PRPF31: variants seen among roughly 807,000 people sequenced by gnomAD.
PRPF31 encodes the protein U4/U6 small nuclear ribonucleoprotein Prp31.
Under a neutral mutation model 60.4 loss-of-function variants are expected in PRPF31, and 12 were observed. That is an observed-to-expected ratio of 0.20 (90% CI 0.13 to 0.32). The LOEUF is 0.32. PRPF31 is among the 10% of genes least tolerant of loss of function. The pLI, the probability that PRPF31 is intolerant of heterozygous loss-of-function variation, is 1.00. For synonymous variants in PRPF31, 287 were observed against 287.9 expected, an observed-to-expected ratio of 1.00 and a Z score of 0.03; for missense variants, 431 against 687.1, an observed-to-expected ratio of 0.63 and a Z score of 4.17.
intron 6 of PRPF31, 65 bp from the exon 7 acceptor site, chr19:54,123,684 G>T (rs2073848790): frequency 6.3e-7 from 1 of 1,590,822 alleles, no homozygotes; most frequent in African/African-American, 1.3e-5. Flanking sequence ...AGAACCGAGA[G>T]GGCTGGGGCT....
At chr19:54,124,400 A>G in intron 7 of PRPF31, 99 bp from the exon 8 acceptor site, 1 of 1,108,290 alleles carries the variant, frequency 9.0e-7, no homozygotes, top group African/African-American at 1.5e-5. Flanking sequence ...CTTCATGTAA[A>G]GGTGCCCAGC....
intron 5 of PRPF31, chr19:54,123,071 G>GTC: frequency 2.2e-6 from 1 of 464,516 alleles, no homozygotes; most frequent in Non-Finnish European, 4.0e-6. Flanking sequence ...CGTGAGGGCG[G>GTC]GGAGAGGAGG....
chr19:54,130,712 A>T (rs78276164), intron 13 of PRPF31, among the ~76,000 whole-genome samples: 19,883 of 151,544 alleles, frequency 0.13, 1,606 homozygotes, highest in East Asian at 0.21. Context: ...GTTTCGGAGC[A>T]GCCAGGGAGG....
At position 54,129,200 on chromosome 19, in the gene PRPF31, C is replaced by A; in HGVS notation, c.1275+15C>A. The A allele has an allele frequency of 1.3e-6, 2 of 1,593,648 alleles. No individual in the cohort carries two copies. The highest frequency in any genetic ancestry group is 1.1e-5 in the South Asian group (1 of 88,218). The stretch of plus-strand genomic sequence containing the variant: ...AGACGCTGCAGGTATGGGCCAGACC[C>A]AGGTGGGGCTGGGGACCGAGGGACA... On this transcript the variant is annotated intron_variant, in intron 12 of 13. Coordinates refer to ENST00000321030, the MANE Select transcript of PRPF31 (RefSeq NM_015629.4).
At position 54,131,319 on chromosome 19, in the gene PRPF31, G is replaced by A. The variant is rs1436199044; in HGVS notation, c.1387G>A (p.Val463Met). ...AFTPLQGLEI[V>M]NPQAAEKKVA... ...CTCACCTGCCCAGGGCCTGGAGATT[G>A]TGAACCCACAGGCGGCAGAGAAGAA... is the stretch of plus-strand genomic sequence containing the variant. The change falls in exon 14 of 14, where the codon GTG becomes ATG. Residue 463 changes from valine to methionine, a missense_variant. Coordinates refer to ENST00000321030, the MANE Select transcript of PRPF31 (RefSeq NM_015629.4). 3 of 1,613,850 alleles carry A rather than the reference G, an allele frequency of 1.9e-6. No individual in the cohort carries two copies. The highest frequency in any genetic ancestry group is 2.7e-5 in the African/African-American group (2 of 74,948).
chr19:54,122,977 G>C (rs1411105297), intron 5 of PRPF31: 1 of 463,050 alleles, frequency 2.2e-6, no homozygotes, highest in Non-Finnish European at 4.0e-6. Flanking sequence ...GGAAGGAGGG[G>C]ACGGGGAAGA....
chr19:54,128,502 TC>T (rs35858995), intron 11 of PRPF31, 125 bp downstream of exon 11: 7,940 of 782,134 alleles, frequency 0.01, 5 homozygotes, highest in African/African-American at 0.015. Flanking sequence ...TGCCCCAGCC[TC>T]CCCCCCCCCG....
intron 5 of PRPF31, chr19:54,122,926 A>G (rs2146415521): frequency 2.0e-6 from 1 of 501,910 alleles, no homozygotes; most frequent in East Asian, 3.7e-5. Flanking sequence ...GTCTAAGTGC[A>G]GAGAGCTGGA....
chr19:54,123,290 A>T lies in PRPF31; in HGVS notation c.421-164A>T. ...GATGCTTGACGTGGTGGAGGCAGGA[A>T]TGGTGTGGATGCTTCAGGCGGTGGA... On this transcript the variant is annotated intron_variant, in intron 5 of 13. Transcript: ENST00000321030. 7.3e-6 allele frequency: 5 copies of T among 688,128 alleles called. No individual in the cohort carries two copies. In the South Asian group the frequency reaches 7.7e-5, roughly 11 times the overall value. 42.6% of individuals were successfully genotyped at this position (688,128 alleles called of 1,614,324 possible). A position where few individuals can be genotyped will look rare whatever the true frequency, so the allele number is the denominator to read the frequency against.
chr19:54,126,672 G>A, intron 9 of PRPF31, 55 bp downstream of exon 9: 1 of 1,516,480 alleles, frequency 6.6e-7, no homozygotes, highest in East Asian at 2.3e-5. Flanking sequence ...GGCCTGGGGT[G>A]TCTCTGCAGG....
Position 54,116,148 on chromosome 19 carries a change from G to T in PRPF31, c.-9+351G>T, listed in dbSNP as rs587699694. On this transcript the variant is annotated intron_variant, in intron 1 of 13. Coordinates refer to ENST00000321030, the MANE Select transcript of PRPF31 (RefSeq NM_015629.4). ...GAACTCCTGATCTCGTGATCCGCCCGCCTCGGCCTCCCAAAGTGCTGTGAT... is the reference window on the plus strand; with the variant it reads ...GAACTCCTGATCTCGTGATCCGCCCTCCTCGGCCTCCCAAAGTGCTGTGAT... 5.3e-5 allele frequency among the ~76,000 whole-genome samples: 8 copies of T among 150,520 alleles called. No homozygotes were observed. In the Admixed American group the frequency reaches 5.3e-4, roughly 10 times the overall value.
rs762087017 is a variant in PRPF31 at position 54,128,332 on chromosome 19, G to C, written c.1101G>C (p.Gly367=). The change falls in exon 11 of 14, where the codon GGG becomes GGC. Residue 367 remains glycine, a synonymous_variant. Coordinates refer to ENST00000321030, the MANE Select transcript of PRPF31 (RefSeq NM_015629.4). ...RRYRKMKERL[G]LTEIRKQANR... ...ACCGCAAGATGAAGGAGCGGCTGGGGCTGACGGAGATCCGGAAGCAGGCCA... is the reference window on the plus strand; with the variant it reads ...ACCGCAAGATGAAGGAGCGGCTGGGCCTGACGGAGATCCGGAAGCAGGCCA... The C allele has an allele frequency of 5.8e-6, 9 of 1,548,144 alleles. No individual in the cohort carries two copies. Among genetic ancestry groups the C allele is most frequent in the Admixed American group, 2.0e-5 (1 of 50,944 alleles).
intron 3 of PRPF31, among the ~76,000 whole-genome samples, chr19:54,120,838 T>A (rs1320389087): frequency 6.6e-6 from 1 of 152,056 alleles, no homozygotes; most frequent in Non-Finnish European, 1.5e-5. Context: ...GCTCTCCAAC[T>A]CCTGGGCTCA....
At position 54,116,152 on chromosome 19, in the gene PRPF31, C is replaced by T. The variant is rs376558794; in HGVS notation, c.-9+355C>T. On this transcript the variant is annotated intron_variant, in intron 1 of 13. Coordinates refer to ENST00000321030, the MANE Select transcript of PRPF31 (RefSeq NM_015629.4). ...TCCTGATCTCGTGATCCGCCCGCCT[C>T]GGCCTCCCAAAGTGCTGTGATTACA... is the stretch of plus-strand genomic sequence containing the variant. Among the ~76,000 whole-genome samples, 6 of 151,108 alleles carry T rather than the reference C, an allele frequency of 4.0e-5. No individual in the cohort carries two copies. In the East Asian group the frequency reaches 1.2e-3, roughly 30 times the overall value.
chr19:54,122,020 C>T (rs2073803859), intron 4 of PRPF31, 77 bp downstream of exon 4: 1 of 1,434,364 alleles, frequency 7.0e-7, no homozygotes. Flanking sequence ...ACTGGCCTTT[C>T]CCAGGGTCCT....
At chr19:54,118,898 A>G (rs78703820) in intron 3 of PRPF31, 7,894 of 532,632 alleles carry the variant, frequency 0.015, 78 homozygotes, top group Non-Finnish European at 0.02. Flanking sequence ...ACTGATTCAC[A>G]TGACCGGTTA....
In PRPF31 at chr19:54,118,544, G is replaced by C. The variant is rs776047044; in HGVS notation, c.178-29G>C. 6.2e-6 allele frequency: 10 copies of C among 1,613,898 alleles called. No homozygotes were observed. The East Asian group carries it at 2.0e-4, about 32-fold the overall frequency. On this transcript the variant is annotated intron_variant, in intron 2 of 13. Coordinates refer to ENST00000321030, the MANE Select transcript of PRPF31 (RefSeq NM_015629.4). Reference sequence around the variant, plus strand: ...ACAGGCTTCTTTTTGAAGAGTGCTGGATTCTGACTGTCTTCTCCTTTCCTA... The same window carrying C: ...ACAGGCTTCTTTTTGAAGAGTGCTGCATTCTGACTGTCTTCTCCTTTCCTA...
chr19:54,128,013 G>A, intron 9 of PRPF31, 60 bp from the exon 10 acceptor site: 1 of 1,547,614 alleles, frequency 6.5e-7, no homozygotes. Flanking sequence ...CCCGCTCAGA[G>A]GAGGCCTGGG....
At chr19:54,126,774 C>G (rs752348521) in intron 9 of PRPF31, among the ~76,000 whole-genome samples, 157 bp downstream of exon 9, 10 of 152,194 alleles carry the variant, frequency 6.6e-5, no homozygotes, top group African/African-American at 2.2e-4. Flanking sequence ...TCAGGCACCC[C>G]CTTCCCCAGT....
Sources: allele counts gnomAD v4.1 joint callset (sites outside exome capture counted in the v4.1 genomes callset), GRCh38; gene constraint gnomAD v4.1.1; transcripts MANE v1.5; gene names NCBI Gene and HGNC (gene_info 2026-07-23, HGNC 2026-07-21).